Variants in CCDC191 observed in about 807,000 individuals in gnomAD.
CCDC191 encodes the protein coiled-coil domain-containing protein 191.
Under a neutral mutation model 114.0 loss-of-function variants are expected in CCDC191, and 99 were observed. The observed-to-expected ratio is 0.87, with a 90% CI of 0.74 to 1.03. CCDC191 has a LOEUF of 1.03. Ranked by LOEUF, CCDC191 falls within the 50% of genes least tolerant of loss-of-function variation. The probability of loss-of-function intolerance (pLI) is 0.00; values close to 1 mark genes in which losing one functional copy is unlikely to be tolerated. For missense variants in CCDC191, 973 were observed against 1,087.0 expected, an observed-to-expected ratio of 0.90 and a Z score of 1.47; for synonymous variants, 351 against 376.0, an observed-to-expected ratio of 0.93 and a Z score of 0.77.
intron 11 of CCDC191, chr3:114,002,881 T>C: frequency 1.0e-6 from 1 of 980,672 alleles, no homozygotes; most frequent in Non-Finnish European, 1.2e-6. Flanking sequence ...GATTATATGT[T>C]TGATGAATGC....
At chr3:113,984,916 C>T (rs1559882803) in intron 13 of CCDC191, among the ~76,000 whole-genome samples, 1 of 152,252 alleles carries the variant, frequency 6.6e-6, no homozygotes, top group East Asian at 1.9e-4. Flanking sequence ...GTGAACTGAT[C>T]AGAGATCTGA....
At chr3:113,979,039 A>C in intron 14 of CCDC191, 29 bp from the exon 15 acceptor site, 1 of 1,596,044 alleles carries the variant, frequency 6.3e-7, no homozygotes, top group Non-Finnish European at 8.6e-7. Flanking sequence ...GAGAAATATT[A>C]TTCCTTAAAT....
In CCDC191 at chr3:114,010,977, C is replaced by T. The variant is rs755237699; in HGVS notation, c.1208G>A (p.Arg403Gln). 18 of 1,613,920 alleles carry T rather than the reference C, an allele frequency of 1.1e-5. No homozygotes were observed. The highest frequency in any genetic ancestry group is 8.9e-5 in the East Asian group (4 of 44,886). ...ATEYNRKQVL[R>Q]HCFTEWQHWH... Reference sequence around the variant, plus strand: ...ATGCTGCCATTCTGTAAAGCAGTGTCGGAGAACTTGTTTCCGGTTATACTC... The same window carrying T: ...ATGCTGCCATTCTGTAAAGCAGTGTTGGAGAACTTGTTTCCGGTTATACTC... Residue 403 changes from arginine to glutamine, a missense_variant, in exon 9 of 17, where the codon CGA becomes CAA. Physicochemically the swap from Arg to Gln is conservative, Grantham distance 43. Transcript: ENST00000295878.
chr3:114,052,291 T>C (rs2076707908), intron 2 of CCDC191, among the ~76,000 whole-genome samples: 2 of 152,178 alleles, frequency 1.3e-5, no homozygotes, highest in South Asian at 2.1e-4. Context: ...GAAAACTATA[T>C]GAAAACGGAC....
At chr3:114,038,368 A>G (rs1356024832) in intron 4 of CCDC191, among the ~76,000 whole-genome samples, 1 of 152,200 alleles carries the variant, frequency 6.6e-6, no homozygotes, top group African/African-American at 2.4e-5. Flanking sequence ...CTGAAAAACT[A>G]TTGCCTAGTG....
intron 9 of CCDC191, among the ~76,000 whole-genome samples, chr3:114,007,606 A>C (rs2075993862): frequency 6.6e-6 from 1 of 152,192 alleles, no homozygotes; most frequent in Admixed American, 6.5e-5. Flanking sequence ...GAGTAAAGCG[A>C]CAGGGTTTCT....
In CCDC191 at chr3:114,001,636, G is replaced by A; in HGVS notation, c.2122C>T (p.Gln708Ter). 1 of 1,613,800 alleles carries A rather than the reference G, an allele frequency of 6.2e-7. No individual in the cohort carries two copies. The stretch of plus-strand genomic sequence containing the variant: ...TTCTCTTCTCGTTTTCTTTCAAGCT[G>A]TGCCTCCTTTTCTTCTGCCTCCCTT... ...QKREAEEKEA[Q>*]LERKREEKRL... Residue 708 changes from glutamine (Q) to a stop codon, truncating the protein, a stop_gained, in exon 13 of 17, where the codon CAG (glutamine) becomes TAG (stop). Coordinates refer to ENST00000295878, the MANE Select transcript of CCDC191 (RefSeq NM_020817.2). LOFTEE classifies it high-confidence loss of function.
At chr3:113,968,116 A>C (rs887100971) in intron 16 of CCDC191, among the ~76,000 whole-genome samples, 1 of 152,088 alleles carries the variant, frequency 6.6e-6, no homozygotes, top group African/African-American at 2.4e-5. Flanking sequence ...TATCTCTTGG[A>C]TGTATTGATT....
chr3:114,040,685 CAT>C (rs1358884430), intron 4 of CCDC191, among the ~76,000 whole-genome samples: 33 of 152,036 alleles, frequency 2.2e-4, no homozygotes, highest in African/African-American at 7.7e-4. Flanking sequence ...TTAAATTGAA[CAT>C]ATGTCTCTTG....
chr3:113,992,086 G>C (rs532803696), intron 13 of CCDC191, among the ~76,000 whole-genome samples: 1 of 152,282 alleles, frequency 6.6e-6, no homozygotes, highest in East Asian at 1.9e-4. Context: ...ATTTTGACAA[G>C]TACCCATGGA....
intron 16 of CCDC191, among the ~76,000 whole-genome samples, chr3:113,974,779 C>G (rs1559871368): frequency 6.6e-6 from 1 of 152,104 alleles, no homozygotes; most frequent in Non-Finnish European, 1.5e-5. Flanking sequence ...TGTTCTCCTG[C>G]TATGTGGCTG....
At position 113,994,355 on chromosome 3, in the gene CCDC191, T is replaced by C. The variant is rs116247477; in HGVS notation, c.2163+7240A>G. Among the ~76,000 whole-genome samples the C allele has an allele frequency of 5.1e-3, 782 of 152,252 alleles. 8 individuals carry two copies. Among genetic ancestry groups the C allele is most frequent in the African/African-American group, 0.017 (709 of 41,548 alleles). On this transcript the variant is annotated intron_variant, in intron 13 of 16. Transcript: ENST00000295878. Reference sequence around the variant, plus strand: ...CCACAATGATATATTACTACACACCTATTAGAACATATTAAACCCCCCTAA... The same window carrying C: ...CCACAATGATATATTACTACACACCCATTAGAACATATTAAACCCCCCTAA...
chr3:114,018,649 C>T (rs758521125), intron 8 of CCDC191, 29 bp downstream of exon 8: 1 of 1,559,498 alleles, frequency 6.4e-7, no homozygotes, highest in Non-Finnish European at 8.8e-7. Context: ...GATAAACATA[C>T]TAGATTTTCA....
chr3:114,019,688 A>G (rs2076217058), intron 7 of CCDC191, among the ~76,000 whole-genome samples: 1 of 152,200 alleles, frequency 6.6e-6, no homozygotes, highest in African/African-American at 2.4e-5. Flanking sequence ...GTGCAAAAGT[A>G]ATTGCGGTTT....
intron 13 of CCDC191, among the ~76,000 whole-genome samples, chr3:113,981,898 G>A (rs2075165343): frequency 6.6e-6 from 1 of 152,174 alleles, no homozygotes; most frequent in Non-Finnish European, 1.5e-5. Context: ...TGAGATACTT[G>A]TTGAATGAAA....
intron 7 of CCDC191, among the ~76,000 whole-genome samples, chr3:114,026,212 CCTCA>C (rs2076318796): frequency 6.6e-6 from 1 of 152,064 alleles, no homozygotes; most frequent in Admixed American, 6.5e-5. Context: ...GTAAATTGGC[CCTCA>C]CTGTCACCTC....
intron 1 of CCDC191, among the ~76,000 whole-genome samples, chr3:114,056,086 C>T (rs576651840): frequency 4.6e-5 from 7 of 151,754 alleles, no homozygotes; most frequent in African/African-American, 1.5e-4. Context: ...GTAGGGGGAA[C>T]GGAGTTTGCA....
chr3:113,979,091 C>A, intron 14 of CCDC191, 81 bp from the exon 15 acceptor site: 1 of 1,306,854 alleles, frequency 7.7e-7, no homozygotes, highest in Non-Finnish European at 1.1e-6. Flanking sequence ...GGAAATGATG[C>A]TATAAAACAC....
At position 113,965,329 on chromosome 3, in the gene CCDC191, C is replaced by T; in HGVS notation, c.2637G>A (p.Trp879Ter). 1 of 1,608,948 alleles carries T rather than the reference C, an allele frequency of 6.2e-7. No individual in the cohort carries two copies. ...RRILWITLRT[W>*]KKFVKFMKEE... ...CTTTCATAAATTTTACAAACTTCTT[C>T]CATGTCCGAAGGGTGATCCAGAGGA... The change falls in exon 17 of 17, where the codon TGG becomes TGA. Residue 879 changes from tryptophan (W) to a stop codon, truncating the protein, a stop_gained. Coordinates refer to ENST00000295878, the MANE Select transcript of CCDC191 (RefSeq NM_020817.2). LOFTEE classifies it low-confidence loss of function (END_TRUNC).
Sources: gnomAD v4.1 joint callset for allele counts (sites outside exome capture counted in the v4.1 genomes callset) on GRCh38, gnomAD v4.1.1 for gene constraint, MANE v1.5 for transcripts, NCBI Gene and HGNC (gene_info 2026-07-23, HGNC 2026-07-21) for gene names.